The following TDRD12 variants were observed in gnomAD, a reference collection of about 807,000 sequenced individuals.
TDRD12 encodes putative ATP-dependent RNA helicase TDRD12.
In TDRD12, 158 loss-of-function variants were observed where a neutral mutation model predicts 133.5. The ratio of observed to expected loss-of-function variants is 1.18; its 90% confidence interval spans 1.04 to 1.35. TDRD12 has a LOEUF of 1.35. Among genes scored for constraint, TDRD12 ranks in the 40% most tolerant of loss-of-function variants. The probability of loss-of-function intolerance (pLI) is 0.00; values close to 1 mark genes in which losing one functional copy is unlikely to be tolerated. For synonymous variants in TDRD12, 460 were observed against 477.9 expected, an observed-to-expected ratio of 0.96 and a Z score of 0.49; for missense variants, 1,443 against 1,321.3, an observed-to-expected ratio of 1.09 and a Z score of -1.43.
At chr19:32,720,122 G>T in intron 1 of TDRD12, 26 bp downstream of exon 1, 1 of 1,545,914 alleles carries the variant, frequency 6.5e-7, no homozygotes, top group Non-Finnish European at 8.7e-7. Flanking sequence ...CCAGACCCAC[G>T]CCAGACCCAC....
At chr19:32,815,496 A>G in exon 26 of TDRD12, 1 of 1,536,544 alleles carries the variant, frequency 6.5e-7, no homozygotes, top group Non-Finnish European at 8.7e-7. Flanking sequence ...CATTGATTAT[A>G]ATGTTCGAGC....
chr19:32,728,581 C>T (rs1968930732), intron 1 of TDRD12, among the ~76,000 whole-genome samples: 1 of 151,214 alleles, frequency 6.6e-6, no homozygotes, highest in Non-Finnish European at 1.5e-5. Flanking sequence ...TCCTGTCTTA[C>T]TGTACTAACT....
exon 20 of TDRD12, chr19:32,802,756 G>A (rs1051068889): frequency 5.9e-6 from 9 of 1,536,560 alleles, no homozygotes; most frequent in East Asian, 2.4e-5. Context: ...GTGGACGCCT[G>A]TATTGCATGT....
In TDRD12 at chr19:32,777,228, A is replaced by T. The variant is rs777981761; in HGVS notation, c.1120A>T (p.Lys374Ter). Residue 374 changes from lysine (K) to a stop codon, truncating the protein, a stop_gained and splice_region_variant, in exon 11 of 28, where the codon AAA (lysine) becomes TAA (stop). Coordinates refer to ENST00000444215, the Ensembl canonical transcript of TDRD12. LOFTEE classifies it high-confidence loss of function. ...ATATGATGAGAAGAATAGCTGTGTG[A>T]AGTAAGAATTTTTTCCTTGGCCTGA... 1 of 1,520,512 alleles carries T rather than the reference A, an allele frequency of 6.6e-7. No individual in the cohort carries two copies. Among genetic ancestry groups the T allele is most frequent in the South Asian group, 1.3e-5 (1 of 77,830 alleles). The allele number at this position is 1,520,512 out of a possible 1,614,324, so 94.2% of individuals were successfully genotyped here. A position where few individuals can be genotyped will look rare whatever the true frequency, so the allele number is the denominator to read the frequency against.
At chr19:32,793,517 A>T (rs1287703318) in intron 13 of TDRD12, among the ~76,000 whole-genome samples, 1 of 152,194 alleles carries the variant, frequency 6.6e-6, no homozygotes, top group Admixed American at 6.5e-5. Flanking sequence ...AGAGGACCTC[A>T]CAGAGCTCAT....
At chr19:32,795,769 C>T (rs1384269741) in intron 14 of TDRD12, among the ~76,000 whole-genome samples, 1 of 152,198 alleles carries the variant, frequency 6.6e-6, no homozygotes, top group African/African-American at 2.4e-5. Flanking sequence ...ATCTGCTCGG[C>T]TTCTGCGGAA....
At position 32,798,428 on chromosome 19, in the gene TDRD12, A is replaced by G. The variant is rs1339586020; in HGVS notation, c.1751A>G (p.Asn584Ser). 14 of 1,534,650 alleles carry G rather than the reference A, an allele frequency of 9.1e-6. No individual in the cohort carries two copies. The East Asian group carries it at 1.5e-4, about 16-fold the overall frequency. Reference sequence around the variant, plus strand: ...GTAGAGGTGCTATTCTTGGAAGCCAATGAACAGGTGAGCGTGGCTTAAGGT... The same window carrying G: ...GTAGAGGTGCTATTCTTGGAAGCCAGTGAACAGGTGAGCGTGGCTTAAGGT... Residue 584 changes from asparagine to serine, a missense_variant, in exon 16 of 28, where the codon AAT becomes AGT. By Grantham distance (46) the Asn-to-Ser change is conservative. Transcript: ENST00000444215.
intron 4 of TDRD12, among the ~76,000 whole-genome samples, chr19:32,746,302 C>T (rs1455399016): frequency 3.4e-5 from 2 of 59,612 alleles, no homozygotes; most frequent in Non-Finnish European, 6.8e-5. Flanking sequence ...CTGTGTGTGA[C>T]AGAGGGGGAG....
At chr19:32,754,887 TA>T (rs1192973091) in intron 6 of TDRD12, among the ~76,000 whole-genome samples, 1 of 151,990 alleles carries the variant, frequency 6.6e-6, no homozygotes, top group African/African-American at 2.4e-5. Context: ...ATGTTGGTCT[TA>T]CTTTAAGGTG....
In TDRD12 at chr19:32,826,599, G is replaced by T; in HGVS notation, c.1049+1G>T. The T allele has an allele frequency of 8.1e-7, 1 of 1,237,282 alleles. No individual in the cohort carries two copies. Among genetic ancestry groups the T allele is most frequent in the Non-Finnish European group, 1.0e-6 (1 of 991,084 alleles). The allele number at this position is 1,237,282 out of a possible 1,614,324, so 76.6% of individuals were successfully genotyped here. A position where few individuals can be genotyped will look rare whatever the true frequency, so the allele number is the denominator to read the frequency against. Reference sequence around the variant, plus strand: ...ATGGTGTCACCTACTCAGACAGAGGGTGAGTTGGGATGCACTCAGCGGGTG... The same window carrying T: ...ATGGTGTCACCTACTCAGACAGAGGTTGAGTTGGGATGCACTCAGCGGGTG... On this transcript the variant is annotated splice_donor_variant, in intron 9 of 9. Transcript: ENST00000637289. LOFTEE classifies it high-confidence loss of function.
At chr19:32,722,756 T>C (rs2145404729) in intron 1 of TDRD12, among the ~76,000 whole-genome samples, 1 of 151,416 alleles carries the variant, frequency 6.6e-6, no homozygotes, top group Admixed American at 6.6e-5. Context: ...CTCGGCTCAC[T>C]GCAACCTCCG....
chr19:32,758,752 T>A (rs953147868), intron 8 of TDRD12, among the ~76,000 whole-genome samples: 1 of 152,136 alleles, frequency 6.6e-6, no homozygotes, highest in African/African-American at 2.4e-5. Flanking sequence ...CTGGCCAATA[T>A]GGTGAAACCC....
At chr19:32,797,857 A>G in exon 15 of TDRD12, 1 of 701,162 alleles carries the variant, frequency 1.4e-6, no homozygotes, top group South Asian at 1.5e-5. Flanking sequence ...GGCTCCATAA[A>G]GAGGAAGCCA....
intron 11 of TDRD12, among the ~76,000 whole-genome samples, chr19:32,778,200 A>G (rs1970663378): frequency 2.6e-5 from 4 of 151,824 alleles, no homozygotes; most frequent in Admixed American, 2.6e-4. Flanking sequence ...TGGGCTTCCC[A>G]GCTTCCCAGA....
intron 26 of TDRD12, among the ~76,000 whole-genome samples, chr19:32,815,919 G>C (rs1967164659): frequency 6.6e-6 from 1 of 152,082 alleles, no homozygotes; most frequent in Non-Finnish European, 1.5e-5. Flanking sequence ...GCTTGAACCT[G>C]GGAGGCAGAG....
In TDRD12 at chr19:32,742,773, C is replaced by A; in HGVS notation, c.321-8C>A. On this transcript the variant is annotated splice_polypyrimidine_tract_variant and splice_region_variant and intron_variant, in intron 3 of 27. Transcript: ENST00000444215. ...ATATAATGGAGCTGTTTCTGTTTTA[C>A]TTTTTAGCATCCGAGTTGTAGTAGA... 6.5e-7 allele frequency: 1 copy of A among 1,550,030 alleles called. No homozygotes were observed. Among genetic ancestry groups the A allele is most frequent in the Non-Finnish European group, 8.7e-7 (1 of 1,146,584 alleles).
At chr19:32,776,643 T>C (rs1218457166) in intron 10 of TDRD12, among the ~76,000 whole-genome samples, 2 of 152,216 alleles carry the variant, frequency 1.3e-5, no homozygotes, top group Non-Finnish European at 2.9e-5. Context: ...TTCTCTCCCC[T>C]GCTGTTGGGG....
At position 32,722,225 on chromosome 19, in the gene TDRD12, A is replaced by G. The variant is rs77805421; in HGVS notation, c.24+2129A>G. 8.6e-3 allele frequency among the ~76,000 whole-genome samples: 1,309 copies of G among 152,288 alleles called. 40 individuals are homozygous for G. The East Asian group carries it at 0.1, about 12-fold the overall frequency. On this transcript the variant is annotated intron_variant, in intron 1 of 27. Coordinates refer to ENST00000444215, the Ensembl canonical transcript of TDRD12. ...ACGATGCTAGTCCGATTTCTTCTTT[A>G]GAAGAGACAGGGCTCTTCCAGGGCT...
At chr19:32,820,912 C>A in intron 27 of TDRD12, 121 bp from the exon 28 acceptor site, 1 of 697,686 alleles carries the variant, frequency 1.4e-6, no homozygotes, top group South Asian at 1.9e-5. Flanking sequence ...ATGTCATAAG[C>A]TCTACGTGGG....
Sources: allele counts gnomAD v4.1 joint callset (sites outside exome capture counted in the v4.1 genomes callset), GRCh38; gene constraint gnomAD v4.1.1; transcripts MANE v1.5; gene names NCBI Gene and HGNC (gene_info 2026-07-23, HGNC 2026-07-21).